Variants in RFC3 observed in about 807,000 individuals in gnomAD.
RFC3 encodes A1 38 kDa subunit.
In RFC3, 41 loss-of-function variants were observed where a neutral mutation model predicts 45.1. The observed-to-expected ratio is 0.91, with a 90% CI of 0.71 to 1.18. The LOEUF is 1.18. Ranked by LOEUF, RFC3 falls within the 50% of genes most tolerant of loss-of-function variation. The probability of loss-of-function intolerance (pLI) is 0.00; values close to 1 mark genes in which losing one functional copy is unlikely to be tolerated. For synonymous variants in RFC3, 149 were observed against 144.0 expected (o/e 1.03, Z -0.25); for missense variants, 423 against 428.1 (o/e 0.99, Z 0.10).
intron 8 of RFC3, among the ~76,000 whole-genome samples, chr13:33,952,517 C>T (rs748855888): frequency 5.3e-5 from 8 of 152,302 alleles, no homozygotes; most frequent in Middle Eastern, 3.4e-3. Flanking sequence ...TAATATCTGT[C>T]GCACAGGAAT....
chr13:33,836,524 G>T lies in RFC3; in HGVS notation c.*229G>T. The T allele has an allele frequency of 8.1e-7, 1 of 1,227,604 alleles. No individual in the cohort carries two copies. Among genetic ancestry groups the T allele is most frequent in the Non-Finnish European group, 1.0e-6 (1 of 978,546 alleles). The allele number at this position is 1,227,604 out of a possible 1,614,324, so 76.0% of individuals were successfully genotyped here. ...TAGAGACTTTAGAGTCTAAGAAAAT[G>T]ATCTTAATTTACTTTAAGCATTGGT... On this transcript the variant is annotated 3_prime_UTR_variant, in exon 9 of 9. Transcript: ENST00000380071.
Position 33,836,245 on chromosome 13 carries a change from G to A in RFC3, c.1021G>A (p.Ala341Thr), listed in dbSNP as rs1243827699. 15 of 1,613,392 alleles carry A rather than the reference G, an allele frequency of 9.3e-6. No homozygotes were observed. The highest frequency in any genetic ancestry group is 2.2e-5 in the East Asian group (1 of 44,864). The change falls in exon 9 of 9, where the codon GCA (alanine) becomes ACA (threonine). Residue 341 changes from alanine (A) to threonine (T), a missense_variant. Transcript: ENST00000380071. Reference protein sequence around the residue: ...HLEAFVAKFMALYKKFMEDGL... With the variant: ...HLEAFVAKFMTLYKKFMEDGL... ...GGAAGCGTTTGTGGCCAAATTCATG[G>A]CACTTTATAAGAAGTTCATGGAGGA...
intron 8 of RFC3, among the ~76,000 whole-genome samples, chr13:33,878,741 A>G (rs1010349475): frequency 6.6e-6 from 1 of 152,170 alleles, no homozygotes; most frequent in Admixed American, 6.5e-5. Flanking sequence ...AAACTGACCA[A>G]GAAATTGTCT....
At chr13:33,858,909 A>G (rs1249813714) in intron 8 of RFC3, among the ~76,000 whole-genome samples, 1 of 152,188 alleles carries the variant, frequency 6.6e-6, no homozygotes, top group African/African-American at 2.4e-5. Flanking sequence ...CAACTGTAGC[A>G]TCGCAGTCCC....
chr13:33,949,973 G>A (rs2082978687), intron 8 of RFC3, among the ~76,000 whole-genome samples: 1 of 151,912 alleles, frequency 6.6e-6, no homozygotes, highest in Admixed American at 6.6e-5. Flanking sequence ...ACTAAACCAG[G>A]AGCTTTCCTG....
intron 8 of RFC3, among the ~76,000 whole-genome samples, chr13:33,912,302 C>A (rs1326715370): frequency 2.8e-5 from 4 of 144,048 alleles, no homozygotes; most frequent in Non-Finnish European, 6.0e-5. Context: ...CCAAGATGAA[C>A]TGCCCCACCC....
At chr13:33,944,756 G>A (rs961879508) in intron 8 of RFC3, among the ~76,000 whole-genome samples, 2 of 151,958 alleles carry the variant, frequency 1.3e-5, no homozygotes, top group Admixed American at 1.3e-4. Flanking sequence ...CCACCCACAC[G>A]CACACACTCA....
chr13:33,973,655 CTTT>C, the RFC3 span, among the ~76,000 whole-genome samples: 5 of 134,866 alleles, frequency 3.7e-5, no homozygotes, highest in Non-Finnish European at 3.3e-5. Flanking sequence ...TCTTCTTCTT[CTTT>C]TTTTTTTTTT....
intron 8 of RFC3, among the ~76,000 whole-genome samples, chr13:33,871,692 A>G (rs980542556): frequency 2.0e-5 from 3 of 152,156 alleles, no homozygotes; most frequent in Non-Finnish European, 4.4e-5. Context: ...CGCCTCTCCC[A>G]TTCTCTGAAA....
intron 8 of RFC3, among the ~76,000 whole-genome samples, chr13:33,950,653 G>C (rs2082983782): frequency 6.6e-6 from 1 of 152,216 alleles, no homozygotes; most frequent in South Asian, 2.1e-4. Flanking sequence ...ACTGAGCTGA[G>C]AGAAGAAGAG....
chr13:33,876,934 T>C (rs915603126), intron 8 of RFC3, among the ~76,000 whole-genome samples: 2 of 152,388 alleles, frequency 1.3e-5, no homozygotes, highest in African/African-American at 4.8e-5. Flanking sequence ...CAAAAAAGCC[T>C]GGTGTCTATA....
chr13:33,836,806 T>A lies in RFC3; in HGVS notation c.*511T>A. The A allele has an allele frequency of 1.0e-6, 1 of 985,798 alleles. No homozygotes were observed. Among genetic ancestry groups the A allele is most frequent in the Non-Finnish European group, 1.2e-6 (1 of 830,160 alleles). 61.1% of individuals were successfully genotyped at this position (985,798 alleles called of 1,614,324 possible). ...GTATGGACAAAATTGCAGATACCAT[T>A]TCTGTTGAGGCTGCAGATTTCCAAC... On this transcript the variant is annotated 3_prime_UTR_variant, in exon 9 of 9. Transcript: ENST00000380071.
At chr13:33,875,052 A>C (rs1375744823) in intron 8 of RFC3, among the ~76,000 whole-genome samples, 1 of 152,244 alleles carries the variant, frequency 6.6e-6, no homozygotes, top group Non-Finnish European at 1.5e-5. Flanking sequence ...AAAAGGCCAC[A>C]AGATGGGGAT....
At chr13:33,885,870 A>T (rs1007490912) in intron 8 of RFC3, among the ~76,000 whole-genome samples, 1 of 152,144 alleles carries the variant, frequency 6.6e-6, no homozygotes, top group African/African-American at 2.4e-5. Context: ...CTTCTAGTAG[A>T]CACTGAGTCA....
At chr13:33,818,418 A>G (rs1220304399) in intron 1 of RFC3, among the ~76,000 whole-genome samples, 153 bp downstream of exon 1, 1 of 152,252 alleles carries the variant, frequency 6.6e-6, no homozygotes, top group Non-Finnish European at 1.5e-5. Context: ...GAGGTGTGGG[A>G]GGCTGGCTTG....
chr13:33,873,977 C>T (rs1030530372), intron 8 of RFC3, among the ~76,000 whole-genome samples: 6 of 152,134 alleles, frequency 3.9e-5, no homozygotes, highest in African/African-American at 1.2e-4. Context: ...AAATTTAATG[C>T]TTTTGTATAT....
chr13:33,964,949 T>G (rs1026109523), intron 8 of RFC3, among the ~76,000 whole-genome samples: 4 of 151,550 alleles, frequency 2.6e-5, no homozygotes, highest in African/African-American at 9.7e-5. Context: ...AGGCAGAGAT[T>G]AGAGTGATGT....
At chr13:33,866,641 G>A (rs529392968) in intron 8 of RFC3, among the ~76,000 whole-genome samples, 3 of 152,238 alleles carry the variant, frequency 2.0e-5, no homozygotes, top group Non-Finnish European at 4.4e-5. Flanking sequence ...GAAAAGGCCC[G>A]ATAGAAAGTC....
chr13:33,971,156 CAG>C (rs914844954), downstream of RFC3, among the ~76,000 whole-genome samples: 2 of 152,016 alleles, frequency 1.3e-5, no homozygotes, highest in African/African-American at 4.8e-5. Flanking sequence ...TTTAAGAAAA[CAG>C]AAGAAAAAAA....
Sources: allele counts gnomAD v4.1 joint callset (sites outside exome capture counted in the v4.1 genomes callset), GRCh38; gene constraint gnomAD v4.1.1; transcripts MANE v1.5; gene names NCBI Gene and HGNC (gene_info 2026-07-23, HGNC 2026-07-21).